Variants in ECT2 observed in about 807,000 individuals in gnomAD.
The protein encoded by ECT2 is protein ECT2.
ECT2 carries 61 observed loss-of-function variants against 116.9 expected under a neutral mutation model. That is an observed-to-expected ratio of 0.52 (90% confidence interval 0.42 to 0.65). The LOEUF is 0.65. Among genes scored for constraint, ECT2 ranks in the 30% least tolerant of loss-of-function variants. The pLI, the probability that ECT2 is intolerant of heterozygous loss-of-function variation, is 0.00. For synonymous variants in ECT2, 358 were observed against 346.4 expected (o/e 1.03, Z -0.37); for missense variants, 937 against 1,078.7 (o/e 0.87, Z 1.84).
At chr3:172,766,732 A>C (rs759062727) in intron 12 of ECT2, among the ~76,000 whole-genome samples, 1 of 152,242 alleles carries the variant, frequency 6.6e-6, no homozygotes, top group Non-Finnish European at 1.5e-5. Flanking sequence ...TCCAAGTTAC[A>C]TTAAGGCAGA....
chr3:172,751,735 T>C (rs180869583), intron 1 of ECT2, among the ~76,000 whole-genome samples: 16 of 152,282 alleles, frequency 1.1e-4, no homozygotes, highest in African/African-American at 2.9e-4. Context: ...GCATGTGTTA[T>C]AGTGTGTTTA....
chr3:172,828,248 T>A, the ECT2 span, among the ~76,000 whole-genome samples: 1 of 152,116 alleles, frequency 6.6e-6, no homozygotes, highest in Non-Finnish European at 1.5e-5. Flanking sequence ...GATATGATTG[T>A]CAGGATTGGA....
Position 172,820,425 on chromosome 3 carries a change from C to A in ECT2, c.*188C>A. ...TACCTGTTACATTTTCAAGTTAATT[C>A]ATGTAAAAAATGATAGTGATTTTGA... On this transcript the variant is annotated 3_prime_UTR_variant, in exon 25 of 25. Transcript: ENST00000392692. The A allele has an allele frequency of 2.7e-6, 1 of 368,798 alleles. No individual in the cohort carries two copies. Among genetic ancestry groups the A allele is most frequent in the Non-Finnish European group, 4.8e-6 (1 of 207,492 alleles). 22.8% of individuals were successfully genotyped at this position (368,798 alleles called of 1,614,324 possible). A position where few individuals can be genotyped will look rare whatever the true frequency, so the allele number is the denominator to read the frequency against.
At chr3:172,790,799 A>G (rs1048224919) in intron 18 of ECT2, among the ~76,000 whole-genome samples, 2 of 152,224 alleles carry the variant, frequency 1.3e-5, no homozygotes, top group Admixed American at 6.5e-5. Context: ...TATATTGTCA[A>G]TAAGCAGTAA....
At chr3:172,753,889 G>A (rs1368829285) in intron 1 of ECT2, among the ~76,000 whole-genome samples, 1 of 152,152 alleles carries the variant, frequency 6.6e-6, no homozygotes, top group East Asian at 1.9e-4. Flanking sequence ...TGTTAAGCAG[G>A]GAAGTGATAT....
chr3:172,754,455 A>C, intron 1 of ECT2, 54 bp from the exon 2 acceptor site: 1 of 1,312,628 alleles, frequency 7.6e-7, no homozygotes, highest in Non-Finnish European at 1.0e-6. Context: ...TCTAATACTT[A>C]CTTTTGCCCA....
chr3:172,816,939 A>T lies in ECT2; in HGVS notation c.2655+102A>T, dbSNP rs529653309. On this transcript the variant is annotated intron_variant, in intron 24 of 24. Transcript: ENST00000392692. Reference sequence around the variant, plus strand: ...GAAATATTTCTTCCATTTTAAAAAAATTTTAATAATTTTATTTAACCCAGT... The same window carrying T: ...GAAATATTTCTTCCATTTTAAAAAATTTTTAATAATTTTATTTAACCCAGT... The T allele has an allele frequency of 3.4e-5, 32 of 939,234 alleles. No homozygotes were observed. The African/African-American group carries it at 3.9e-4, about 11-fold the overall frequency. 58.2% of individuals were successfully genotyped at this position (939,234 alleles called of 1,614,324 possible). A position where few individuals can be genotyped will look rare whatever the true frequency, so the allele number is the denominator to read the frequency against.
intron 14 of ECT2, among the ~76,000 whole-genome samples, chr3:172,780,268 T>C (rs900361444): frequency 1.3e-5 from 2 of 152,194 alleles, no homozygotes; most frequent in African/African-American, 4.8e-5. Flanking sequence ...CATCTAAATG[T>C]AGCGTGTTAG....
At chr3:172,826,341 T>C (rs1730842738), downstream of ECT2, among the ~76,000 whole-genome samples, 1 of 152,224 alleles carries the variant, frequency 6.6e-6, no homozygotes, top group African/African-American at 2.4e-5. Flanking sequence ...CCATTAAGAT[T>C]ATCCTAAATA....
intron 14 of ECT2, among the ~76,000 whole-genome samples, chr3:172,775,578 A>G (rs1194684838): frequency 2.0e-5 from 3 of 152,062 alleles, no homozygotes; most frequent in Non-Finnish European, 4.4e-5. Flanking sequence ...TTGTTTTGTA[A>G]GAATTACTGG....
At chr3:172,782,407 A>G (rs968177252) in intron 15 of ECT2, among the ~76,000 whole-genome samples, 176 bp downstream of exon 15, 2 of 152,208 alleles carry the variant, frequency 1.3e-5, no homozygotes, top group Non-Finnish European at 2.9e-5. Context: ...TCTGTATGCA[A>G]TTTAACACTT....
chr3:172,767,155 C>T (rs1188029621), intron 12 of ECT2, among the ~76,000 whole-genome samples: 1 of 152,092 alleles, frequency 6.6e-6, no homozygotes, highest in African/African-American at 2.4e-5. Flanking sequence ...TTAAAAAGCA[C>T]TCAGGGGCTG....
At chr3:172,823,368 T>G (rs1319122355), downstream of ECT2, among the ~76,000 whole-genome samples, 2 of 152,196 alleles carry the variant, frequency 1.3e-5, no homozygotes, top group Non-Finnish European at 2.9e-5. Flanking sequence ...CCATTAAACA[T>G]GTAAGACTAT....
At chr3:172,793,780 T>C (rs1449501768) in intron 18 of ECT2, among the ~76,000 whole-genome samples, 1 of 152,186 alleles carries the variant, frequency 6.6e-6, no homozygotes, top group Non-Finnish European at 1.5e-5. Flanking sequence ...GTCATTTTAA[T>C]TTGTGACATT....
At chr3:172,828,452 G>T in the ECT2 span, among the ~76,000 whole-genome samples, 5 of 152,028 alleles carry the variant, frequency 3.3e-5, no homozygotes, top group South Asian at 1.0e-3. Context: ...AGAAGTGAAA[G>T]AATCTGTTTA....
intron 18 of ECT2, among the ~76,000 whole-genome samples, chr3:172,800,340 C>A (rs577371545): frequency 6.6e-6 from 1 of 152,308 alleles, no homozygotes; most frequent in Non-Finnish European, 1.5e-5. Flanking sequence ...ATGACTCTGA[C>A]TAGTTTTACT....
At chr3:172,820,085 C>A in intron 24 of ECT2, 63 bp from the exon 25 acceptor site, 1 of 1,273,104 alleles carries the variant, frequency 7.9e-7, no homozygotes, top group South Asian at 1.3e-5. Context: ...TGATACTGAA[C>A]TGTATTTTAC....
intron 13 of ECT2, among the ~76,000 whole-genome samples, chr3:172,772,652 A>G (rs1372791438): frequency 6.6e-6 from 1 of 152,144 alleles, no homozygotes; most frequent in African/African-American, 2.4e-5. Context: ...TTTTTCATTC[A>G]TAGATTGTGA....
At chr3:172,768,412 G>A (rs549631777) in intron 12 of ECT2, among the ~76,000 whole-genome samples, 7 of 152,182 alleles carry the variant, frequency 4.6e-5, no homozygotes, top group South Asian at 2.1e-4. Flanking sequence ...TAATACACAC[G>A]TGCACATGTA....
Sources: gnomAD v4.1 joint callset for allele counts (sites outside exome capture counted in the v4.1 genomes callset) on GRCh38, gnomAD v4.1.1 for gene constraint, MANE v1.5 for transcripts, NCBI Gene and HGNC (gene_info 2026-07-23, HGNC 2026-07-21) for gene names.